Variants in ENTREP2 observed in about 807,000 individuals in gnomAD.
ENTREP2 encodes endosomal transmembrane epsin interactor 2.
the ENTREP2 span, among the ~76,000 whole-genome samples, chr15:29,170,979 T>C: frequency 6.6e-6 from 1 of 151,906 alleles, no homozygotes; most frequent in African/African-American, 2.4e-5. Flanking sequence ...CTGGTGGGGG[T>C]CCTCCTGTGG....
chr15:29,295,760 G>A, the ENTREP2 span, among the ~76,000 whole-genome samples: 1 of 152,084 alleles, frequency 6.6e-6, no homozygotes, highest in Non-Finnish European at 1.5e-5. Flanking sequence ...TGGGGAGTGT[G>A]GACAGCCTGG....
the ENTREP2 span, among the ~76,000 whole-genome samples, chr15:29,347,598 C>A: frequency 1.7e-4 from 26 of 151,784 alleles, no homozygotes; most frequent in Admixed American, 9.8e-4. Context: ...GAAAACAAAT[C>A]AAAAAAATAC....
At chr15:29,377,863 A>AATAATAATAAT in the ENTREP2 span, among the ~76,000 whole-genome samples, 2 of 92,132 alleles carry the variant, frequency 2.2e-5, no homozygotes, top group Admixed American at 1.0e-4. Flanking sequence ...TAATAATAAT[A>AATAATAATAAT]AAAAAATGAG....
chr15:29,315,364 T>C, the ENTREP2 span, among the ~76,000 whole-genome samples: 1 of 152,136 alleles, frequency 6.6e-6, no homozygotes, highest in Non-Finnish European at 1.5e-5. Context: ...GGCCGATGAA[T>C]TGACAGACCA....
chr15:29,322,635 G>C, the ENTREP2 span, among the ~76,000 whole-genome samples: 2 of 152,202 alleles, frequency 1.3e-5, no homozygotes, highest in Non-Finnish European at 2.9e-5. Flanking sequence ...CTGTCTCCAC[G>C]AGTGCTGCTC....
the ENTREP2 span, among the ~76,000 whole-genome samples, chr15:29,173,112 C>T: frequency 2.0e-4 from 30 of 152,302 alleles, no homozygotes; most frequent in African/African-American, 6.3e-4. Flanking sequence ...TAGCTCTCTC[C>T]GCTTCCCAGT....
At chr15:29,269,225 C>CA in the ENTREP2 span, 2 of 1,614,186 alleles carry the variant, frequency 1.2e-6, no homozygotes, top group Non-Finnish European at 1.7e-6. Flanking sequence ...TCCTCCTCCA[C>CA]AGGCTCCAGG....
the ENTREP2 span, among the ~76,000 whole-genome samples, chr15:29,540,451 A>T: frequency 6.6e-6 from 1 of 152,304 alleles, no homozygotes; most frequent in African/African-American, 2.4e-5. Context: ...CAACACACAA[A>T]CCTGACAACT....
chr15:29,474,510 A>G, the ENTREP2 span, among the ~76,000 whole-genome samples: 26 of 151,812 alleles, frequency 1.7e-4, no homozygotes, highest in African/African-American at 6.3e-4. Flanking sequence ...CTGCGTGGGG[A>G]CTTAGGTACC....
the ENTREP2 span, among the ~76,000 whole-genome samples, chr15:29,538,673 G>A: frequency 6.6e-6 from 1 of 151,008 alleles, no homozygotes; most frequent in Non-Finnish European, 1.5e-5. Flanking sequence ...TAGGGGCGTG[G>A]TGGCGGGCGC....
At chr15:29,216,893 T>C in the ENTREP2 span, among the ~76,000 whole-genome samples, 1 of 152,020 alleles carries the variant, frequency 6.6e-6, no homozygotes, top group Non-Finnish European at 1.5e-5. Flanking sequence ...CACCACACTT[T>C]GAGACAAATT....
At chr15:29,145,622 C>CAAAAAAAAAAAAA in the ENTREP2 span, among the ~76,000 whole-genome samples, 1 of 58,256 alleles carries the variant, frequency 1.7e-5, no homozygotes, top group East Asian at 6.0e-4. Context: ...GACTCCATCT[C>CAAAAAAAAAAAAA]AAAAAAAAAA....
the ENTREP2 span, among the ~76,000 whole-genome samples, chr15:29,147,842 A>G: frequency 6.6e-6 from 1 of 152,234 alleles, no homozygotes; most frequent in Non-Finnish European, 1.5e-5. Flanking sequence ...AACTTGTACA[A>G]GGATGTTCAT....
chr15:29,480,169 C>G, the ENTREP2 span, among the ~76,000 whole-genome samples: 2 of 151,726 alleles, frequency 1.3e-5, no homozygotes, highest in African/African-American at 4.8e-5. Flanking sequence ...TTGTTGAATT[C>G]TTCTTACTGA....
At chr15:29,570,704 G>A in the ENTREP2 span, 2 of 1,116,704 alleles carry the variant, frequency 1.8e-6, no homozygotes, top group Non-Finnish European at 2.2e-6. Context: ...CGGCGCTCGG[G>A]GGCCGCCGGC....
chr15:29,428,822 C>T, the ENTREP2 span, among the ~76,000 whole-genome samples: 1 of 152,160 alleles, frequency 6.6e-6, no homozygotes, highest in East Asian at 1.9e-4. Context: ...ATGCAGCTAT[C>T]AGTCATCCCT....
At chr15:29,140,714 C>A in the ENTREP2 span, among the ~76,000 whole-genome samples, 15 of 152,182 alleles carry the variant, frequency 9.9e-5, no homozygotes, top group African/African-American at 3.4e-4. Context: ...ACCCCTCCCC[C>A]ATCCCACCCA....
chr15:29,133,564 G>C, the ENTREP2 span, among the ~76,000 whole-genome samples: 114 of 152,284 alleles, frequency 7.5e-4, 1 homozygote, highest in African/African-American at 2.6e-3. Context: ...CCTCCATGGT[G>C]CGCCACGTGG....
the ENTREP2 span, among the ~76,000 whole-genome samples, chr15:29,378,212 T>TAA: frequency 1.2e-3 from 175 of 145,554 alleles, 3 homozygotes; most frequent in South Asian, 0.014. Flanking sequence ...TAAAAACTCT[T>TAA]AAAAAAAAAA....
Sources: allele counts gnomAD v4.1 joint callset (sites outside exome capture counted in the v4.1 genomes callset), GRCh38; gene constraint gnomAD v4.1.1; transcripts MANE v1.5; gene names NCBI Gene and HGNC (gene_info 2026-07-23, HGNC 2026-07-21).